The following C1GALT1 variants were observed in gnomAD, a reference collection of about 807,000 sequenced individuals.
The protein encoded by C1GALT1 is core 1 synthase, glycoprotein-N-acetylgalactosamine 3-beta-galactosyltransferase 1, also known as glycoprotein-N-acetylgalactosamine 3-beta-galactosyltransferase 1.
Under a neutral mutation model 31.0 loss-of-function variants are expected in C1GALT1, and 11 were observed. The ratio of observed to expected loss-of-function variants is 0.36; its 90% CI spans 0.22 to 0.59. C1GALT1 has a LOEUF of 0.59. Among genes scored for constraint, C1GALT1 ranks in the 20% least tolerant of loss-of-function variants. The pLI, the probability that C1GALT1 is intolerant of heterozygous loss-of-function variation, is 0.79. For synonymous variants in C1GALT1, 175 were observed against 143.6 expected (o/e 1.22, Z -1.56); for missense variants, 424 against 425.2 (o/e 1.00, Z 0.03).
chr7:7,241,792 AT>A (rs1783640186), intron 3 of C1GALT1, among the ~76,000 whole-genome samples: 2 of 151,904 alleles, frequency 1.3e-5, no homozygotes, highest in Non-Finnish European at 2.9e-5. Flanking sequence ...GGTAACCATA[AT>A]TGTCTGCTAG....
chr7:7,208,125 C>T (rs1221636685), intron 1 of C1GALT1, among the ~76,000 whole-genome samples: 2 of 152,166 alleles, frequency 1.3e-5, no homozygotes, highest in Non-Finnish European at 2.9e-5. Flanking sequence ...ACCCGATAGT[C>T]ACTTAGCAGC....
At chr7:7,241,044 C>T (rs1274128809) in intron 3 of C1GALT1, among the ~76,000 whole-genome samples, 1 of 151,876 alleles carries the variant, frequency 6.6e-6, no homozygotes, top group African/African-American at 2.4e-5. Flanking sequence ...GACTTTTCAC[C>T]AGAGAAGTTG....
intron 1 of C1GALT1, among the ~76,000 whole-genome samples, chr7:7,191,022 GT>G (rs950499252): frequency 4.6e-5 from 7 of 151,706 alleles, no homozygotes; most frequent in Non-Finnish European, 8.8e-5. Flanking sequence ...TCATTTTTAA[GT>G]TTATAGATCA....
At chr7:7,193,548 G>A (rs192379001) in intron 1 of C1GALT1, among the ~76,000 whole-genome samples, 3 of 152,092 alleles carry the variant, frequency 2.0e-5, no homozygotes, top group East Asian at 1.9e-4. Flanking sequence ...ATGCTGTTTC[G>A]GTAACTATAG....
intron 1 of C1GALT1, among the ~76,000 whole-genome samples, chr7:7,186,713 G>A (rs747300659): frequency 9.2e-5 from 14 of 152,222 alleles, no homozygotes; most frequent in Non-Finnish European, 1.9e-4. Flanking sequence ...ACCTGGGTGC[G>A]TGTTCTTAGC....
At chr7:7,221,776 C>T (rs1325432830) in intron 1 of C1GALT1, among the ~76,000 whole-genome samples, 1 of 152,222 alleles carries the variant, frequency 6.6e-6, no homozygotes, top group Non-Finnish European at 1.5e-5. Context: ...TTCCTTCCTG[C>T]TGTCAGACTC....
At position 7,245,701 on chromosome 7, in the gene C1GALT1, T is replaced by G. The variant is rs549687673; in HGVS notation, c.*1974T>G. On this transcript the variant is annotated 3_prime_UTR_variant, in exon 4 of 4. Transcript: ENST00000436587. ...TCTTCACCATGGTGTGGACATGAAT[T>G]TTCATATGTGTTACTTGACTAGAAG... 6.6e-6 allele frequency: 1 copy of G among 152,338 alleles called. No homozygotes were observed. The highest frequency in any genetic ancestry group is 2.4e-5 in the African/African-American group (1 of 41,582). 9.4% of individuals were successfully genotyped at this position (152,338 alleles called of 1,614,324 possible). A position where few individuals can be genotyped will look rare whatever the true frequency, so the allele number is the denominator to read the frequency against.
intron 1 of C1GALT1, among the ~76,000 whole-genome samples, chr7:7,208,344 A>G (rs897980174): frequency 2.0e-5 from 3 of 152,246 alleles, no homozygotes; most frequent in South Asian, 4.1e-4. Context: ...TACAAATTAG[A>G]CTTTCTCATA....
intron 2 of C1GALT1, among the ~76,000 whole-genome samples, chr7:7,171,048 A>C (rs1312522609): frequency 6.6e-6 from 1 of 152,200 alleles, no homozygotes; most frequent in Non-Finnish European, 1.5e-5. Context: ...ATCCTGAAGA[A>C]TCTTCCATGT....
At chr7:7,158,699 T>A (rs1335225087) in intron 2 of C1GALT1, among the ~76,000 whole-genome samples, 4 of 151,782 alleles carry the variant, frequency 2.6e-5, no homozygotes, top group South Asian at 4.1e-4. Flanking sequence ...TATAATTTTA[T>A]AAAAGCTGTA....
At chr7:7,231,475 GTTTT>G (rs890235668) in intron 1 of C1GALT1, among the ~76,000 whole-genome samples, 1 of 151,766 alleles carries the variant, frequency 6.6e-6, no homozygotes, top group Non-Finnish European at 1.5e-5. Flanking sequence ...ACTTTATTCT[GTTTT>G]TTTGCTCAAT....
At chr7:7,169,040 A>G (rs1780425841) in intron 2 of C1GALT1, among the ~76,000 whole-genome samples, 1 of 152,006 alleles carries the variant, frequency 6.6e-6, no homozygotes, top group Non-Finnish European at 1.5e-5. Context: ...TATCCCCTCC[A>G]CCTTTAACCT....
chr7:7,202,337 G>A (rs758054479), intron 1 of C1GALT1, among the ~76,000 whole-genome samples: 73 of 152,090 alleles, frequency 4.8e-4, no homozygotes, highest in Admixed American at 2.5e-3. Flanking sequence ...GTGTCTGAGT[G>A]GGAGCTCCAA....
chr7:7,202,709 C>T (rs572950307), intron 1 of C1GALT1, among the ~76,000 whole-genome samples: 1 of 152,150 alleles, frequency 6.6e-6, no homozygotes, highest in South Asian at 2.1e-4. Context: ...TATTCAGGGT[C>T]CCTTAATATT....
intron 2 of C1GALT1, among the ~76,000 whole-genome samples, chr7:7,173,910 T>C (rs1486513370): frequency 6.6e-6 from 1 of 152,050 alleles, no homozygotes; most frequent in Non-Finnish European, 1.5e-5. Context: ...CCATCTCAAA[T>C]TTTTTTAAAA....
At chr7:7,198,744 C>G (rs1198007837) in intron 1 of C1GALT1, among the ~76,000 whole-genome samples, 1 of 152,206 alleles carries the variant, frequency 6.6e-6, no homozygotes, top group Non-Finnish European at 1.5e-5. Flanking sequence ...GATCCACCTT[C>G]TTCCTGCTTT....
intron 1 of C1GALT1, among the ~76,000 whole-genome samples, chr7:7,197,527 T>C (rs1781347060): frequency 6.6e-6 from 1 of 152,240 alleles, no homozygotes; most frequent in African/African-American, 2.4e-5. Flanking sequence ...CAATGCGGGC[T>C]CTTTTTTGGT....
chr7:7,226,361 A>G (rs1370387221), intron 1 of C1GALT1, among the ~76,000 whole-genome samples: 1 of 147,804 alleles, frequency 6.8e-6, no homozygotes, highest in Non-Finnish European at 1.5e-5. Flanking sequence ...ATAAAGTGTT[A>G]AAATTTAAAA....
At chr7:7,170,610 C>A (rs1484879547) in intron 2 of C1GALT1, among the ~76,000 whole-genome samples, 1 of 152,078 alleles carries the variant, frequency 6.6e-6, no homozygotes, top group Non-Finnish European at 1.5e-5. Flanking sequence ...TGGTGAAACC[C>A]CATCTCTACT....
Sources: gnomAD v4.1 joint callset for allele counts (sites outside exome capture counted in the v4.1 genomes callset) on GRCh38, gnomAD v4.1.1 for gene constraint, MANE v1.5 for transcripts, NCBI Gene and HGNC (gene_info 2026-07-23, HGNC 2026-07-21) for gene names.